The following TFRC variants were observed in gnomAD, a reference collection of about 807,000 sequenced individuals.
The protein encoded by TFRC is transferrin receptor protein 1.
A neutral mutation model predicts 85.8 loss-of-function variants in TFRC; 35 were observed. The observed-to-expected ratio is 0.41, with a 90% CI of 0.31 to 0.54. The LOEUF is 0.54. Among genes scored for constraint, TFRC ranks in the 20% least tolerant of loss-of-function variants. The probability of loss-of-function intolerance (pLI) is 0.31; values close to 1 mark genes in which losing one functional copy is unlikely to be tolerated. For synonymous variants in TFRC, 362 were observed against 328.6 expected (o/e 1.10, Z -1.10); for missense variants, 828 against 921.5 (o/e 0.90, Z 1.31).
chr3:196,057,482 G>A lies in TFRC; in HGVS notation c.1677+802C>T, dbSNP rs560967883. On this transcript the variant is annotated intron_variant, in intron 16 of 18. Transcript: ENST00000360110. ...TTGCCAAAGCTCCCAGCCAAATAAA[G>A]CCCTTCCTTCTTTAACTCGGTGTCT... 3.3e-5 allele frequency among the ~76,000 whole-genome samples: 5 copies of A among 152,254 alleles called. No individual in the cohort carries two copies. In the East Asian group the frequency reaches 5.8e-4, roughly 18 times the overall value.
intron 1 of TFRC, among the ~76,000 whole-genome samples, chr3:196,080,392 C>A (rs531604842): frequency 2.0e-5 from 3 of 152,234 alleles, no homozygotes; most frequent in Admixed American, 2.0e-4. Flanking sequence ...ACGTGAGCCA[C>A]CATGCCCGGC....
chr3:196,065,739 C>A, intron 9 of TFRC, 139 bp from the exon 10 acceptor site: 10 of 869,004 alleles, frequency 1.2e-5, no homozygotes, highest in Non-Finnish European at 1.7e-5. Flanking sequence ...CCCCTGTAAT[C>A]CCAGCACTTT....
intron 7 of TFRC, among the ~76,000 whole-genome samples, chr3:196,069,029 A>G (rs1461445930): frequency 6.6e-6 from 1 of 151,978 alleles, no homozygotes; most frequent in Non-Finnish European, 1.5e-5. Flanking sequence ...CACGAGTCAC[A>G]TCTCACAACC....
rs41297475 is a variant in TFRC, at chr3:196,061,000, C to T, written c.1469-753G>A. Among the ~76,000 whole-genome samples, 9 of 152,108 alleles carry T rather than the reference C, an allele frequency of 5.9e-5. No homozygotes were observed. In the East Asian group the frequency reaches 1.5e-3, roughly 26 times the overall value. On this transcript the variant is annotated intron_variant, in intron 13 of 18. Coordinates refer to ENST00000360110, the MANE Select transcript of TFRC (RefSeq NM_001128148.3). ...TGCTTGCTATACTCAGCACATTCTGCGGCAAACATACAACAGGGAAATAAC... is the reference window on the plus strand; with the variant it reads ...TGCTTGCTATACTCAGCACATTCTGTGGCAAACATACAACAGGGAAATAAC...
rs1350036281 is a variant in TFRC, at chr3:196,056,129, G to A, written c.1678-828C>T. Reference sequence around the variant, plus strand: ...GGCTCCCCACAGCCTTAAGCTCCTAGCTCAAGTGACCCCCCTGCCTCAGCC... The same window carrying A: ...GGCTCCCCACAGCCTTAAGCTCCTAACTCAAGTGACCCCCCTGCCTCAGCC... On this transcript the variant is annotated intron_variant, in intron 16 of 18. Coordinates refer to ENST00000360110, the MANE Select transcript of TFRC (RefSeq NM_001128148.3). 2.6e-5 allele frequency among the ~76,000 whole-genome samples: 4 copies of A among 152,316 alleles called. No individual in the cohort carries two copies. The East Asian group carries it at 7.7e-4, about 29-fold the overall frequency.
Position 196,055,138 on chromosome 3 carries a change from T to C in TFRC, c.1841A>G (p.Tyr614Cys), listed in dbSNP as rs1716664070. 1 of 1,614,242 alleles carries C rather than the reference T, an allele frequency of 6.2e-7. No homozygotes were observed. The change falls in exon 17 of 19, where the codon TAC becomes TGC. Residue 614 changes from tyrosine to cysteine, a missense_variant. Coordinates refer to ENST00000360110, the MANE Select transcript of TFRC (RefSeq NM_001128148.3). ...DVELNLDYER[Y>C]NSQLLSFVRD... ...CACAAATGAAAGCAGTTGGCTGTTGTACCTCTCATAGTCCAGGTTCAATTC... is the reference window on the plus strand; with the variant it reads ...CACAAATGAAAGCAGTTGGCTGTTGCACCTCTCATAGTCCAGGTTCAATTC...
intron 18 of TFRC, 135 bp from the exon 19 acceptor site, chr3:196,052,319 A>G: frequency 1.1e-6 from 1 of 906,334 alleles, no homozygotes; most frequent in Non-Finnish European, 1.6e-6. Flanking sequence ...TTTTTTTGAC[A>G]CAGAGTTTCG....
intron 8 of TFRC, 110 bp from the exon 9 acceptor site, chr3:196,067,767 G>C (rs918574721): frequency 7.6e-7 from 1 of 1,311,080 alleles, no homozygotes; most frequent in African/African-American, 1.5e-5. Flanking sequence ...CCAACTTGAA[G>C]CCTCAAAAAT....
At chr3:196,076,563 C>A (rs1484376426) in intron 2 of TFRC, among the ~76,000 whole-genome samples, 1 of 150,282 alleles carries the variant, frequency 6.7e-6, no homozygotes, top group Non-Finnish European at 1.5e-5. Flanking sequence ...AATTCTCCTG[C>A]CTCAGCCTCC....
chr3:196,076,239 G>A (rs1439648059), intron 2 of TFRC, among the ~76,000 whole-genome samples: 1 of 152,106 alleles, frequency 6.6e-6, no homozygotes, highest in African/African-American at 2.4e-5. Context: ...TCTCGTCATG[G>A]CCTGGATGGC....
intron 1 of TFRC, among the ~76,000 whole-genome samples, chr3:196,077,926 G>A (rs527253645): frequency 8.5e-5 from 13 of 152,278 alleles, no homozygotes; most frequent in Non-Finnish European, 1.6e-4. Context: ...GAAGAAACAT[G>A]AAACACAGAT....
In TFRC at chr3:196,050,568, CT is replaced by C; in HGVS notation, c.*1373del. 1 of 203,322 alleles carries C rather than the reference CT, an allele frequency of 4.9e-6. No homozygotes were observed. The highest frequency in any genetic ancestry group is 1.0e-5 in the Non-Finnish European group (1 of 98,944). The allele number at this position is 203,322 out of a possible 1,614,324, so 12.6% of individuals were successfully genotyped here. ...TGTGGTAGGTAAAAACTACCTTGTT[CT>C]TTATACATTATGGAAGACACTGCTC... On this transcript the variant is annotated 3_prime_UTR_variant, in exon 19 of 19. Coordinates refer to ENST00000360110, the MANE Select transcript of TFRC (RefSeq NM_001128148.3).
rs1170878292 is a variant in TFRC, at chr3:196,055,314, G to A, written c.1678-13C>T. 1.9e-6 allele frequency: 3 copies of A among 1,605,700 alleles called. No homozygotes were observed. The highest frequency in any genetic ancestry group is 1.7e-5 in the Admixed American group (1 of 60,030). ...GATAATCTGTGTCCTGCAAGACAAC[G>A]CGAGGCTATGGTACTCACGTGAGTT... is the stretch of plus-strand genomic sequence containing the variant. On this transcript the variant is annotated splice_polypyrimidine_tract_variant and intron_variant, in intron 16 of 18. Transcript: ENST00000360110.
At chr3:196,059,993 C>A (rs1265037460) in intron 14 of TFRC, among the ~76,000 whole-genome samples, 187 bp downstream of exon 14, 1 of 152,146 alleles carries the variant, frequency 6.6e-6, no homozygotes, top group Non-Finnish European at 1.5e-5. Flanking sequence ...ACAACATATT[C>A]TTTAAGATTG....
Position 196,051,043 on chromosome 3 carries a change from C to CT in TFRC, c.*898dup, listed in dbSNP as rs1716265198. On this transcript the variant is annotated 3_prime_UTR_variant, in exon 19 of 19. Transcript: ENST00000360110. The stretch of plus-strand genomic sequence containing the variant: ...AAAAAAACACCATTTATAGTGAACT[C>CT]TGTCACTGATAAATAAACAATAAAT... The CT allele has an allele frequency of 4.8e-6, 1 of 209,382 alleles. No individual in the cohort carries two copies. The highest frequency in any genetic ancestry group is 9.7e-6 in the Non-Finnish European group (1 of 102,618). The allele number at this position is 209,382 out of a possible 1,614,324, so 13.0% of individuals were successfully genotyped here.
intron 13 of TFRC, 75 bp from the exon 14 acceptor site, chr3:196,060,322 G>C: frequency 8.0e-7 from 1 of 1,245,964 alleles, no homozygotes; most frequent in Non-Finnish European, 1.2e-6. Context: ...ACAACTATAA[G>C]TACTTGACAA....
intron 1 of TFRC, 135 bp from the exon 2 acceptor site, chr3:196,077,257 G>C (rs1015652880): frequency 2.7e-5 from 16 of 586,348 alleles, no homozygotes; most frequent in Non-Finnish European, 4.5e-5. Flanking sequence ...TTTAACCATA[G>C]TTTACATGAC....
At chr3:196,052,885 G>C (rs1038746792) in intron 18 of TFRC, among the ~76,000 whole-genome samples, 1 of 152,128 alleles carries the variant, frequency 6.6e-6, no homozygotes, top group Non-Finnish European at 1.5e-5. Context: ...GGCCAAGGCA[G>C]GTGGATCACT....
chr3:196,051,795 G>T lies in TFRC; in HGVS notation c.*147C>A. On this transcript the variant is annotated 3_prime_UTR_variant, in exon 19 of 19. Transcript: ENST00000360110. ...GGTTATCTACCCTGTATTAAAAGCT[G>T]CTGCCTAAAGACATCTAGTAGTACC... The T allele has an allele frequency of 1.1e-6, 1 of 892,150 alleles. No homozygotes were observed. Among genetic ancestry groups the T allele is most frequent in the Non-Finnish European group, 1.7e-6 (1 of 590,022 alleles). 55.3% of individuals were successfully genotyped at this position (892,150 alleles called of 1,614,324 possible). A position where few individuals can be genotyped will look rare whatever the true frequency, so the allele number is the denominator to read the frequency against.
Sources: gnomAD v4.1 joint callset for allele counts (sites outside exome capture counted in the v4.1 genomes callset) on GRCh38, gnomAD v4.1.1 for gene constraint, MANE v1.5 for transcripts, NCBI Gene and HGNC (gene_info 2026-07-23, HGNC 2026-07-21) for gene names.